The following STK3 variants were observed in gnomAD, a reference collection of about 807,000 sequenced individuals.
STK3 encodes the protein serine/threonine-protein kinase 3.
A neutral mutation model predicts 58.0 loss-of-function variants in STK3; 41 were observed. The ratio of observed to expected loss-of-function variants is 0.71; its 90% CI spans 0.55 to 0.92. STK3 has a LOEUF of 0.92. Ranked by LOEUF, STK3 falls within the 40% of genes least tolerant of loss-of-function variation. The probability of loss-of-function intolerance (pLI) is 0.00; values close to 1 mark genes in which losing one functional copy is unlikely to be tolerated. For synonymous variants in STK3, 170 were observed against 191.0 expected (o/e 0.89, Z 0.91); for missense variants, 479 against 602.7 (o/e 0.79, Z 2.15).
intron 4 of STK3, among the ~76,000 whole-genome samples, chr8:98,713,266 G>A (rs1387850064): frequency 6.6e-6 from 1 of 152,010 alleles, no homozygotes; most frequent in African/African-American, 2.4e-5. Context: ...CTAGCAGAAG[G>A]CAAGAAATAA....
intron 3 of STK3, among the ~76,000 whole-genome samples, chr8:98,850,871 G>C (rs1836441292): frequency 6.6e-6 from 1 of 152,042 alleles, no homozygotes; most frequent in African/African-American, 2.4e-5. Flanking sequence ...GCAGCTCCAG[G>C]GCCCTTCAGA....
rs533278001 is a variant in STK3, at chr8:98,712,856, T to C, written c.352-5545A>G. Among the ~76,000 whole-genome samples, 19 of 152,286 alleles carry C rather than the reference T, an allele frequency of 1.2e-4. 1 individual carries two copies. In the South Asian group the frequency reaches 3.9e-3, roughly 32 times the overall value. ...ATTCTTTTCAGCACCACACCACACC[T>C]ATTACAAAATTGACCACATAGTTGG... On this transcript the variant is annotated intron_variant, in intron 4 of 10. Transcript: ENST00000419617.
chr8:98,772,374 T>C (rs1393849450), intron 2 of STK3, among the ~76,000 whole-genome samples: 10 of 152,180 alleles, frequency 6.6e-5, no homozygotes, highest in Non-Finnish European at 1.0e-4. Context: ...GTCCTTGAGA[T>C]GGTGAGTTTT....
the STK3 span, among the ~76,000 whole-genome samples, chr8:98,364,667 A>G: frequency 6.6e-6 from 1 of 151,200 alleles, no homozygotes; most frequent in African/African-American, 2.4e-5. Context: ...ATCTTCCCCC[A>G]CCCCTATGCC....
chr8:98,375,659 G>A (rs2130994597), intron 2 of STK3, among the ~76,000 whole-genome samples: 1 of 151,632 alleles, frequency 6.6e-6, no homozygotes, highest in South Asian at 2.1e-4. Context: ...CATGTACTAT[G>A]TACCCTTTTG....
intron 6 of STK3, among the ~76,000 whole-genome samples, chr8:98,664,153 C>T (rs1822167512): frequency 6.6e-6 from 1 of 152,030 alleles, no homozygotes; most frequent in Non-Finnish European, 1.5e-5. Context: ...ACCAAACCTG[C>T]CCCCATTTCT....
chr8:98,387,047 A>C (rs1313056176), intron 1 of STK3, among the ~76,000 whole-genome samples: 2 of 151,826 alleles, frequency 1.3e-5, no homozygotes, highest in East Asian at 3.9e-4. Context: ...TTAAAAATGG[A>C]AAATAAATAA....
chr8:98,535,052 G>T (rs923120078), intron 9 of STK3, among the ~76,000 whole-genome samples: 4 of 152,098 alleles, frequency 2.6e-5, no homozygotes, highest in Admixed American at 6.6e-5. Context: ...GTCTTAAAAT[G>T]TGTCACACAC....
rs1192782456 is a variant in STK3 at position 98,702,712 on chromosome 8, A to G, written c.684+3755T>C. On this transcript the variant is annotated intron_variant, in intron 6 of 10. Coordinates refer to ENST00000419617, the MANE Select transcript of STK3 (RefSeq NM_006281.4). ...TTATATACAGCTAGTGGGCAGGCAT[A>G]GTGGAAAGGGCTAGAACTCTGTGAG... 3.3e-5 allele frequency among the ~76,000 whole-genome samples: 5 copies of G among 152,210 alleles called. No individual in the cohort carries two copies. In the East Asian group the frequency reaches 7.7e-4, roughly 23 times the overall value.
intron 6 of STK3, among the ~76,000 whole-genome samples, chr8:98,630,691 AAGAAGGAGGAGAAGGAGG>A (rs1254831806): frequency 2.0e-5 from 3 of 146,560 alleles, no homozygotes; most frequent in East Asian, 2.0e-4. Flanking sequence ...GGAGAAGGAG[AAGAAGGAGGAGAAGGAGG>A]AGAAGGAGGA....
upstream of STK3, among the ~76,000 whole-genome samples, chr8:98,827,290 C>T (rs1183618534): frequency 2.6e-5 from 4 of 152,108 alleles, no homozygotes; most frequent in East Asian, 1.9e-4. Flanking sequence ...TCCGAGATCG[C>T]GCCACTGCAC....
chr8:98,651,903 ACT>A (rs1245327023), intron 6 of STK3, among the ~76,000 whole-genome samples: 2 of 151,806 alleles, frequency 1.3e-5, no homozygotes, highest in Non-Finnish European at 1.5e-5. Context: ...GTTGGAAAAC[ACT>A]CTGCAGGATA....
chr8:98,707,062 C>T, intron 5 of STK3, 85 bp downstream of exon 5: 2 of 1,380,138 alleles, frequency 1.4e-6, no homozygotes, highest in Non-Finnish European at 1.9e-6. Flanking sequence ...CTTTCCATTC[C>T]CCCTCAAAAA....
chr8:98,415,374 C>T (rs1025240390), intron 3 of STK3, among the ~76,000 whole-genome samples: 1 of 152,206 alleles, frequency 6.6e-6, no homozygotes, highest in Non-Finnish European at 1.5e-5. Context: ...GACTGAGCCA[C>T]GATACTTTTG....
chr8:98,742,160 G>A (rs1479132141), intron 4 of STK3, among the ~76,000 whole-genome samples: 1 of 151,704 alleles, frequency 6.6e-6, no homozygotes, highest in Admixed American at 6.6e-5. Context: ...GTACAAGGAG[G>A]AACTGGTACC....
At chr8:98,870,617 T>C (rs1355179679) in intron 3 of STK3, among the ~76,000 whole-genome samples, 1 of 152,262 alleles carries the variant, frequency 6.6e-6, no homozygotes, top group Non-Finnish European at 1.5e-5. Context: ...TTTTTATGTG[T>C]CTGTTGGCTG....
At chr8:98,670,039 A>G (rs973600559) in intron 6 of STK3, among the ~76,000 whole-genome samples, 2 of 152,214 alleles carry the variant, frequency 1.3e-5, no homozygotes, top group Non-Finnish European at 2.9e-5. Context: ...AGGTTAACAA[A>G]TATTTGAAAA....
rs143901845 is a variant in STK3, at chr8:98,447,955, TATAATAATAATA to T, written n.186-10759_186-10748del. Among the ~76,000 whole-genome samples, 658 of 142,026 alleles carry T rather than the reference TATAATAATAATA, an allele frequency of 4.6e-3. 2 individuals carry two copies. The highest frequency in any genetic ancestry group is 0.011 in the Middle Eastern group (3 of 276). 93.2% of individuals were successfully genotyped at this position (142,026 alleles called of 152,430 possible). ...TGCACATGTACCCTAAAACTTAAAGTATAATAATAATAATAATAATAATAATAATAAAGCAAT... is the reference window on the plus strand; with the variant it reads ...TGCACATGTACCCTAAAACTTAAAGTATAATAATAATAATAATAAAGCAAT... On this transcript the variant is annotated intron_variant and non_coding_transcript_variant, in intron 1 of 3. Coordinates refer to the STK3 transcript ENST00000517832.
intron 1 of STK3, among the ~76,000 whole-genome samples, chr8:98,808,174 A>G (rs1371197522): frequency 6.6e-6 from 1 of 152,240 alleles, no homozygotes; most frequent in Non-Finnish European, 1.5e-5. Flanking sequence ...ACCTCTTCCT[A>G]ACAGCCACTG....
Sources: allele counts gnomAD v4.1 joint callset (sites outside exome capture counted in the v4.1 genomes callset), GRCh38; gene constraint gnomAD v4.1.1; transcripts MANE v1.5; gene names NCBI Gene and HGNC (gene_info 2026-07-23, HGNC 2026-07-21).